TMEM70: variants seen among roughly 807,000 people sequenced by gnomAD.
TMEM70 encodes transmembrane protein 70, mitochondrial.
A neutral mutation model predicts 20.5 loss-of-function variants in TMEM70; 15 were observed. The observed-to-expected ratio is 0.73, with a 90% CI of 0.49 to 1.13. TMEM70 has a LOEUF of 1.13. TMEM70 is among the 50% of genes most tolerant of loss of function. The probability of loss-of-function intolerance (pLI) is 0.00; values close to 1 mark genes in which losing one functional copy is unlikely to be tolerated. For missense variants in TMEM70, 344 were observed against 331.7 expected, an observed-to-expected ratio of 1.04 and a Z score of -0.29; for synonymous variants, 141 against 134.2, an observed-to-expected ratio of 1.05 and a Z score of -0.35.
rs1162559772 is a variant in TMEM70, at chr8:73,981,967, A to G, written c.*346A>G. The stretch of plus-strand genomic sequence containing the variant: ...TATGGATTTTTCTAAGTGTATAAAT[A>G]TTTTCCGACATTAAAAGACATTTTC... On this transcript the variant is annotated 3_prime_UTR_variant, in exon 3 of 3. Transcript: ENST00000312184. 5 of 479,370 alleles carry G rather than the reference A, an allele frequency of 1.0e-5. No individual in the cohort carries two copies. Among genetic ancestry groups the G allele is most frequent in the Non-Finnish European group, 1.6e-5 (4 of 244,076 alleles). The allele number at this position is 479,370 out of a possible 1,614,324, so 29.7% of individuals were successfully genotyped here. A position where few individuals can be genotyped will look rare whatever the true frequency, so the allele number is the denominator to read the frequency against.
intron 1 of TMEM70, among the ~76,000 whole-genome samples, chr8:73,976,739 G>A (rs1356882031): frequency 6.6e-6 from 1 of 152,224 alleles, no homozygotes; most frequent in African/African-American, 2.4e-5. Flanking sequence ...GAGGGTTTGT[G>A]GTGACAACTA....
chr8:73,978,546 C>T (rs1038789677), intron 1 of TMEM70, among the ~76,000 whole-genome samples: 15 of 151,380 alleles, frequency 9.9e-5, no homozygotes, highest in Admixed American at 8.6e-4. Flanking sequence ...AGAAATTAGC[C>T]GGGTGTGGTG....
chr8:73,981,211 A>G lies in TMEM70; in HGVS notation c.373A>G (p.Ile125Val), dbSNP rs1815786535. 2.5e-6 allele frequency: 4 copies of G among 1,614,058 alleles called. No homozygotes were observed. Among genetic ancestry groups the G allele is most frequent in the Non-Finnish European group, 3.4e-6 (4 of 1,180,028 alleles). ...SLIGLTFLPY[I>V]FTQNNAISES... ...GATTGGCCTTACATTTCTGCCATAC[A>G]TTTTTACACAAAATAATGCTATTTC... The change falls in exon 3 of 3, where the codon ATT becomes GTT. Residue 125 changes from isoleucine (I) to valine (V), a missense_variant. Transcript: ENST00000312184.
rs1815815439 is a variant in TMEM70 at position 73,981,947 on chromosome 8, A to G, written c.*326A>G. On this transcript the variant is annotated 3_prime_UTR_variant, in exon 3 of 3. Coordinates refer to ENST00000312184, the MANE Select transcript of TMEM70 (RefSeq NM_017866.6). ...GAGTTGCTTTATTCTTTGTGTATGGATTTTTCTAAGTGTATAAATATTTTC... is the reference window on the plus strand; with the variant it reads ...GAGTTGCTTTATTCTTTGTGTATGGGTTTTTCTAAGTGTATAAATATTTTC... 1 of 495,190 alleles carries G rather than the reference A, an allele frequency of 2.0e-6. No individual in the cohort carries two copies. The highest frequency in any genetic ancestry group is 1.9e-5 in the African/African-American group (1 of 51,882). 30.7% of individuals were successfully genotyped at this position (495,190 alleles called of 1,614,324 possible). A position where few individuals can be genotyped will look rare whatever the true frequency, so the allele number is the denominator to read the frequency against.
chr8:73,981,994 C>T lies in TMEM70; in HGVS notation c.*373C>T. ...TTTCCGACATTAAAAGACATTTTCTCTTTGAGGAAGACACAGTCATAGGTG... is the reference window on the plus strand; with the variant it reads ...TTTCCGACATTAAAAGACATTTTCTTTTTGAGGAAGACACAGTCATAGGTG... On this transcript the variant is annotated 3_prime_UTR_variant, in exon 3 of 3. Coordinates refer to ENST00000312184, the MANE Select transcript of TMEM70 (RefSeq NM_017866.6). 1 of 468,418 alleles carries T rather than the reference C, an allele frequency of 2.1e-6. No homozygotes were observed. The highest frequency in any genetic ancestry group is 1.5e-5 in the South Asian group (1 of 64,636). 29.0% of individuals were successfully genotyped at this position (468,418 alleles called of 1,614,324 possible). A position where few individuals can be genotyped will look rare whatever the true frequency, so the allele number is the denominator to read the frequency against.
intron 2 of TMEM70, among the ~76,000 whole-genome samples, chr8:73,980,263 A>G (rs1002400512): frequency 6.6e-6 from 1 of 151,852 alleles, no homozygotes; most frequent in East Asian, 1.9e-4. Flanking sequence ...TAATTTTTGT[A>G]TTTTTAGTAG....
intron 2 of TMEM70, 93 bp downstream of exon 2, chr8:73,978,954 C>T (rs1815722367): frequency 1.4e-6 from 2 of 1,464,132 alleles, no homozygotes; most frequent in Non-Finnish European, 1.9e-6. Flanking sequence ...TTATGGCATC[C>T]CTTAATTACA....
At chr8:73,979,424 TC>T (rs1249395840) in intron 2 of TMEM70, among the ~76,000 whole-genome samples, 1 of 152,216 alleles carries the variant, frequency 6.6e-6, no homozygotes, top group Non-Finnish European at 1.5e-5. Context: ...AACTTTATAA[TC>T]AACTTGTTTA....
intron 1 of TMEM70, among the ~76,000 whole-genome samples, chr8:73,978,271 G>A (rs1444153807): frequency 2.0e-5 from 3 of 151,608 alleles, no homozygotes; most frequent in Admixed American, 2.0e-4. Flanking sequence ...ATTTTTAGTA[G>A]AGACGGGGTT....
chr8:73,979,123 TC>T (rs1815727394), intron 2 of TMEM70: 2 of 556,746 alleles, frequency 3.6e-6, no homozygotes, highest in Non-Finnish European at 6.8e-6. Flanking sequence ...ACTCTTCGCC[TC>T]CCATGTTCAA....
Position 73,981,414 on chromosome 8 carries a change from T to C in TMEM70, c.576T>C (p.Ser192=). 1 of 1,614,192 alleles carries C rather than the reference T, an allele frequency of 6.2e-7. No homozygotes were observed. Among genetic ancestry groups the C allele is most frequent in the Non-Finnish European group, 8.5e-7 (1 of 1,180,024 alleles). ...ACAATGCTATGCTTGCAGAAACGAG[T>C]ACAGTGTTTCACCAGAATGATGTGA... The part of the protein sequence containing the change: ...ITYNAMLAET[S]TVFHQNDVKI... The change falls in exon 3 of 3, where the codon AGT becomes AGC. Residue 192 remains serine (S), a synonymous_variant. Transcript: ENST00000312184.
In TMEM70 at chr8:73,976,460, C is replaced by G; in HGVS notation, c.179C>G (p.Ala60Gly). The G allele has an allele frequency of 6.5e-7, 1 of 1,549,100 alleles. No individual in the cohort carries two copies. The highest frequency in any genetic ancestry group is 2.4e-5 in the East Asian group (1 of 42,308). Residue 60 changes from alanine to glycine, a missense_variant, in exon 1 of 3, where the codon GCG becomes GGG. Coordinates refer to ENST00000312184, the MANE Select transcript of TMEM70 (RefSeq NM_017866.6). ...AGWSTGPSGA[A>G]RLLRRPGRAQ... is the part of the protein sequence containing the mutation. ...TGGAGTACGGGGCCTTCGGGAGCCG[C>G]GCGCCTTCTCCGGCGTCCGGGTCGA...
In TMEM70 at chr8:73,982,700, A is replaced by G. The variant is rs538132907; in HGVS notation, c.*1079A>G. The G allele has an allele frequency of 2.2e-4, 102 of 457,280 alleles. No homozygotes were observed. Among genetic ancestry groups the G allele is most frequent in the Admixed American group, 1.5e-3 (66 of 42,666 alleles). The allele number at this position is 457,280 out of a possible 1,614,324, so 28.3% of individuals were successfully genotyped here. ...AAGTAGTGTTGTCTTCAGTATCTTA[A>G]TTTGTTTCTGCAACTGTGCACTCCT... On this transcript the variant is annotated 3_prime_UTR_variant, in exon 3 of 3. Coordinates refer to ENST00000312184, the MANE Select transcript of TMEM70 (RefSeq NM_017866.6).
intron 1 of TMEM70, among the ~76,000 whole-genome samples, chr8:73,978,209 C>T (rs1014946853): frequency 5.3e-5 from 8 of 151,882 alleles, no homozygotes; most frequent in Non-Finnish European, 1.2e-4. Flanking sequence ...GCCTCAGCCT[C>T]CGGAGTAGCT....
chr8:73,977,107 A>G (rs1051595807), intron 1 of TMEM70, among the ~76,000 whole-genome samples: 1 of 152,236 alleles, frequency 6.6e-6, no homozygotes, highest in African/African-American at 2.4e-5. Context: ...AAGTGTATAC[A>G]CTGTGAAACT....
chr8:73,981,138 C>CT lies in TMEM70; in HGVS notation c.317-10dup, dbSNP rs1064794499. On this transcript the variant is annotated splice_polypyrimidine_tract_variant and intron_variant, in intron 2 of 2. Transcript: ENST00000312184. ...AAATTTAAAAGTATTGATCCTCTCTCTTTTTTTCCCATTTAGGTGTGAAAT... is the reference window on the plus strand; with the variant it reads ...AAATTTAAAAGTATTGATCCTCTCTCTTTTTTTTCCCATTTAGGTGTGAAAT... 6 of 1,592,216 alleles carry CT rather than the reference C, an allele frequency of 3.8e-6. No individual in the cohort carries two copies. The highest frequency in any genetic ancestry group is 5.2e-6 in the Non-Finnish European group (6 of 1,160,930).
Position 73,982,302 on chromosome 8 carries a change from T to A in TMEM70, c.*681T>A, listed in dbSNP as rs1255733116. On this transcript the variant is annotated 3_prime_UTR_variant, in exon 3 of 3. Coordinates refer to ENST00000312184, the MANE Select transcript of TMEM70 (RefSeq NM_017866.6). ...CCAGTTTGAATGCCTACCAAGACTT[T>A]GAGAATCACTACAAGAAAAACTTAC... 9.4e-6 allele frequency: 6 copies of A among 637,894 alleles called. No homozygotes were observed. The highest frequency in any genetic ancestry group is 1.5e-5 in the Non-Finnish European group (5 of 340,372). The allele number at this position is 637,894 out of a possible 1,614,324, so 39.5% of individuals were successfully genotyped here. A position where few individuals can be genotyped will look rare whatever the true frequency, so the allele number is the denominator to read the frequency against.
chr8:73,978,713 A>G (rs552971733), intron 1 of TMEM70, 43 bp from the exon 2 acceptor site: 1 of 1,608,628 alleles, frequency 6.2e-7, no homozygotes, highest in Non-Finnish European at 8.5e-7. Context: ...ACTTAAAAAA[A>G]TTTAAGAAGG....
intron 1 of TMEM70, among the ~76,000 whole-genome samples, chr8:73,976,726 C>T (rs1313098662): frequency 2.0e-5 from 3 of 152,216 alleles, no homozygotes; most frequent in African/African-American, 4.8e-5. Flanking sequence ...AGTTCCAAAT[C>T]CAGAGGGTTT....
Sources: gnomAD v4.1 joint callset for allele counts (sites outside exome capture counted in the v4.1 genomes callset) on GRCh38, gnomAD v4.1.1 for gene constraint, MANE v1.5 for transcripts, NCBI Gene and HGNC (gene_info 2026-07-23, HGNC 2026-07-21) for gene names.